The following MAF variants were observed in gnomAD, a reference collection of about 807,000 sequenced individuals.
The protein encoded by MAF is MAF bZIP transcription factor.
A neutral mutation model predicts 22.0 loss-of-function variants in MAF; 10 were observed. The ratio of observed to expected loss-of-function variants is 0.45; its 90% CI spans 0.28 to 0.77. The LOEUF is 0.77. Ranked by LOEUF, MAF falls within the 30% of genes least tolerant of loss-of-function variation. The pLI is 0.12. For synonymous variants in MAF, 337 were observed against 255.8 expected (o/e 1.32, Z -3.03); for missense variants, 544 against 548.4 (o/e 0.99, Z 0.08).
At chr16:79,267,738 C>T in the MAF span, among the ~76,000 whole-genome samples, 1 of 152,136 alleles carries the variant, frequency 6.6e-6, no homozygotes, top group African/African-American at 2.4e-5. Context: ...ATGGTGTTGT[C>T]AGGAGTAAGG....
the MAF span, among the ~76,000 whole-genome samples, chr16:79,312,532 T>C: frequency 6.6e-6 from 1 of 152,250 alleles, no homozygotes; most frequent in African/African-American, 2.4e-5. Flanking sequence ...AACAGTTGTT[T>C]GCTCTTTTGT....
At chr16:79,332,598 T>C in the MAF span, among the ~76,000 whole-genome samples, 1 of 152,216 alleles carries the variant, frequency 6.6e-6, no homozygotes, top group Non-Finnish European at 1.5e-5. Flanking sequence ...CACGCCTGAC[T>C]CACAATAATA....
At chr16:79,589,348 T>C (rs1184352011), downstream of MAF, among the ~76,000 whole-genome samples, 1 of 152,176 alleles carries the variant, frequency 6.6e-6, no homozygotes, top group Non-Finnish European at 1.5e-5. Context: ...ACTGACTTTG[T>C]TTTATAATGT....
chr16:79,528,096 T>G, the MAF span, among the ~76,000 whole-genome samples: 2 of 152,106 alleles, frequency 1.3e-5, no homozygotes, highest in African/African-American at 2.4e-5. Flanking sequence ...GAGCCTAGAT[T>G]ATGCCATTGC....
At chr16:79,274,283 G>C in the MAF span, among the ~76,000 whole-genome samples, 1 of 149,502 alleles carries the variant, frequency 6.7e-6, no homozygotes. Flanking sequence ...TCAGAAAAAA[G>C]AACAAACAAT....
the MAF span, among the ~76,000 whole-genome samples, chr16:79,261,174 C>G: frequency 1.3e-5 from 2 of 150,684 alleles, no homozygotes; most frequent in African/African-American, 4.8e-5. Flanking sequence ...ATTTATGAGA[C>G]AGAGTCTTGC....
At chr16:79,427,219 G>A in the MAF span, among the ~76,000 whole-genome samples, 58 of 152,306 alleles carry the variant, frequency 3.8e-4, no homozygotes, top group Admixed American at 8.5e-4. Context: ...AAATGGAAGA[G>A]CTGCCACAAT....
At chr16:79,212,277 A>AAGAC in the MAF span, 1 of 1,200,398 alleles carries the variant, frequency 8.3e-7, no homozygotes, top group African/African-American at 1.5e-5. Context: ...CATCCTGACC[A>AAGAC]AGACTGAGCC....
downstream of MAF, among the ~76,000 whole-genome samples, chr16:79,590,189 T>C: frequency 6.8e-6 from 1 of 147,876 alleles, no homozygotes; most frequent in Non-Finnish European, 1.5e-5. Flanking sequence ...GGTGTTCCTG[T>C]CCCGGGCCAG....
the MAF span, among the ~76,000 whole-genome samples, chr16:79,224,640 C>A: frequency 1.3e-5 from 2 of 152,214 alleles, no homozygotes; most frequent in African/African-American, 2.4e-5. Context: ...CCTCCTTAAG[C>A]AGATAAGCAA....
chr16:79,524,893 C>A, the MAF span, among the ~76,000 whole-genome samples: 1 of 152,172 alleles, frequency 6.6e-6, no homozygotes, highest in Non-Finnish European at 1.5e-5. Context: ...AAATAGGAGA[C>A]AATGTGGCCA....
At chr16:79,500,114 C>T in the MAF span, among the ~76,000 whole-genome samples, 7 of 152,142 alleles carry the variant, frequency 4.6e-5, no homozygotes, top group South Asian at 4.2e-4. Flanking sequence ...ACCATGACCC[C>T]GCTGACACCT....
At chr16:79,286,815 C>G in the MAF span, among the ~76,000 whole-genome samples, 45 of 152,308 alleles carry the variant, frequency 3.0e-4, no homozygotes, top group African/African-American at 1.0e-3. Flanking sequence ...GCTTTGTGTG[C>G]CTCTGCACAA....
At chr16:79,377,505 T>A in the MAF span, among the ~76,000 whole-genome samples, 5 of 152,252 alleles carry the variant, frequency 3.3e-5, no homozygotes, top group African/African-American at 1.2e-4. Context: ...GTAGTTTCTT[T>A]TGCTGTGCAG....
the MAF span, among the ~76,000 whole-genome samples, chr16:79,361,754 A>AT: frequency 6.6e-6 from 1 of 151,766 alleles, no homozygotes; most frequent in African/African-American, 2.4e-5. Flanking sequence ...TCGGTGCTGA[A>AT]TCCCCCACAA....
chr16:79,491,461 C>T, the MAF span, among the ~76,000 whole-genome samples: 1 of 152,268 alleles, frequency 6.6e-6, no homozygotes, highest in South Asian at 2.1e-4. Context: ...GAGCCAGCTT[C>T]GCAGTCTCGA....
chr16:79,211,641 G>A, the MAF span: 1 of 1,614,184 alleles, frequency 6.2e-7, no homozygotes, highest in Non-Finnish European at 8.5e-7. Context: ...GTACTGTGCT[G>A]CTGTCCCAGA....
At chr16:79,210,096 G>A in the MAF span, among the ~76,000 whole-genome samples, 1 of 152,166 alleles carries the variant, frequency 6.6e-6, no homozygotes, top group African/African-American at 2.4e-5. Context: ...CAAGCAGCCA[G>A]TTATTATCAA....
At chr16:79,477,802 A>G in the MAF span, among the ~76,000 whole-genome samples, 4 of 151,942 alleles carry the variant, frequency 2.6e-5, no homozygotes, top group Non-Finnish European at 5.9e-5. Flanking sequence ...TTGGCTCACC[A>G]CAACCTCCGC....
Sources: allele counts gnomAD v4.1 joint callset (sites outside exome capture counted in the v4.1 genomes callset), GRCh38; gene constraint gnomAD v4.1.1; transcripts MANE v1.5; gene names NCBI Gene and HGNC (gene_info 2026-07-23, HGNC 2026-07-21).